The following MEDAG variants were observed in gnomAD, a reference collection of about 807,000 sequenced individuals.
The protein encoded by MEDAG is mesenteric estrogen-dependent adipogenesis protein.
A neutral mutation model predicts 29.9 loss-of-function variants in MEDAG; 25 were observed. The observed-to-expected ratio is 0.84, with a 90% confidence interval of 0.61 to 1.17. The LOEUF (loss-of-function observed/expected upper bound fraction) is 1.17. Among genes scored for constraint, MEDAG ranks in the 50% most tolerant of loss-of-function variants. The pLI, the probability that MEDAG is intolerant of heterozygous loss-of-function variation, is 0.00. For synonymous variants in MEDAG, 158 were observed against 148.2 expected (o/e 1.07, Z -0.48); for missense variants, 398 against 372.9 (o/e 1.07, Z -0.56).
At chr13:30,916,804 G>A (rs1262111480) in intron 1 of MEDAG, 1 of 152,350 alleles carries the variant, frequency 6.6e-6, no homozygotes, top group Non-Finnish European at 1.5e-5. Flanking sequence ...AAACCAAAAA[G>A]GCTAAATTTA....
At position 30,917,464 on chromosome 13, in the gene MEDAG, C is replaced by G. The variant is rs951032321; in HGVS notation, c.340C>G (p.Pro114Ala). ...CTACAGGGAAACTATATTGAGCAAA[C>G]CAATGTTGTTCTTTATTAATGTACA... ...KDYRETILSK[P>A]MLFFINVQTK... Residue 114 changes from proline (P) to alanine (A), a missense_variant, in exon 2 of 5, where the codon CCA becomes GCA. Transcript: ENST00000380482. 3 of 1,611,876 alleles carry G rather than the reference C, an allele frequency of 1.9e-6. No homozygotes were observed. The Admixed American group carries it at 5.0e-5, about 27-fold the overall frequency.
Position 30,921,120 on chromosome 13 carries a change from G to A in MEDAG, c.495G>A (p.Arg165=), listed in dbSNP as rs761793002. The part of the protein sequence containing the change: ...VISSVIGESY[R]LQFDFQEAVK... Reference sequence around the variant, plus strand: ...CCTCAGTGATTGGAGAAAGTTACCGGCTTCAGGTAAGCCTAGCCTGTCTGA... The same window carrying A: ...CCTCAGTGATTGGAGAAAGTTACCGACTTCAGGTAAGCCTAGCCTGTCTGA... The change falls in exon 3 of 5, where the codon CGG becomes CGA. Residue 165 remains arginine, a synonymous_variant. Coordinates refer to ENST00000380482, the MANE Select transcript of MEDAG (RefSeq NM_032849.4). 60 of 1,612,998 alleles carry A rather than the reference G, an allele frequency of 3.7e-5. No homozygotes were observed. The highest frequency in any genetic ancestry group is 4.9e-5 in the Non-Finnish European group (58 of 1,179,468).
rs763890240 is a variant in MEDAG at position 30,921,599 on chromosome 13, A to G, written c.540A>G (p.Pro180=). The change falls in exon 4 of 5, where the codon CCA becomes CCG. Residue 180 remains proline (P), a synonymous_variant. Transcript: ENST00000380482. ...FQEAVKNFFP[P]GNEVVNGENL... Reference sequence around the variant, plus strand: ...AGGCAGTGAAGAATTTCTTCCCCCCAGGAAATGAAGTGGTTAATGGAGAAA... The same window carrying G: ...AGGCAGTGAAGAATTTCTTCCCCCCGGGAAATGAAGTGGTTAATGGAGAAA... 1.2e-6 allele frequency: 2 copies of G among 1,607,824 alleles called. No homozygotes were observed. The highest frequency in any genetic ancestry group is 2.2e-5 in the East Asian group (1 of 44,838).
chr13:30,917,403 G>A lies in MEDAG; in HGVS notation c.279G>A (p.Arg93=), dbSNP rs775047254. The change falls in exon 2 of 5, where the codon AGG becomes AGA. Residue 93 remains arginine, a splice_region_variant and synonymous_variant. Coordinates refer to ENST00000380482, the MANE Select transcript of MEDAG (RefSeq NM_032849.4). Reference sequence around the variant, plus strand: ...TGCAATGATCTCTGCTTCTTCATAGGTATGTGGAACTGACCAACTACTGTG... The same window carrying A: ...TGCAATGATCTCTGCTTCTTCATAGATATGTGGAACTGACCAACTACTGTG... The part of the protein sequence containing the change: ...QLYRLSSYIK[R]YVELTNYCDY... The A allele has an allele frequency of 4.5e-5, 68 of 1,522,276 alleles. No homozygotes were observed. Among genetic ancestry groups the A allele is most frequent in the Admixed American group, 1.7e-5 (1 of 59,602 alleles). 94.3% of individuals were successfully genotyped at this position (1,522,276 alleles called of 1,614,324 possible).
chr13:30,920,185 T>TGGGGTA (rs1430269060), intron 2 of MEDAG, among the ~76,000 whole-genome samples: 3 of 152,072 alleles, frequency 2.0e-5, no homozygotes, highest in Non-Finnish European at 4.4e-5. Context: ...GAGCTGGGCA[T>TGGGGTA]GGGGTAGGGG....
chr13:30,917,001 C>G (rs1195711942), intron 1 of MEDAG, among the ~76,000 whole-genome samples: 1 of 152,144 alleles, frequency 6.6e-6, no homozygotes, highest in African/African-American at 2.4e-5. Flanking sequence ...ATTCAAGACC[C>G]ACAAGTTAAA....
rs773002689 is a variant in MEDAG at position 30,924,370 on chromosome 13, C to T, written c.847C>T (p.Leu283Phe). The change falls in exon 5 of 5, where the codon CTT (leucine) becomes TTT (phenylalanine). Residue 283 changes from leucine to phenylalanine, a missense_variant. By Grantham distance (22) the Leu-to-Phe change is conservative. Coordinates refer to ENST00000380482, the MANE Select transcript of MEDAG (RefSeq NM_032849.4). ...LSPRSSLTEPLLAELPFPSVL... is the reference protein window; with the variant it reads ...LSPRSSLTEPFLAELPFPSVL... ...ACCCAGATCATCTCTGACAGAGCCT[C>T]TTTTGGCAGAATTACCATTTCCAAG... The T allele has an allele frequency of 6.8e-6, 11 of 1,613,990 alleles. No individual in the cohort carries two copies. The African/African-American group carries it at 1.2e-4, about 18-fold the overall frequency.
In MEDAG at chr13:30,920,997, T is replaced by C. The variant is rs1952977633; in HGVS notation, c.389-17T>C. 3 of 1,603,338 alleles carry C rather than the reference T, an allele frequency of 1.9e-6. No homozygotes were observed. The highest frequency in any genetic ancestry group is 2.2e-5 in the East Asian group (1 of 44,844). On this transcript the variant is annotated splice_polypyrimidine_tract_variant and intron_variant, in intron 2 of 4. Coordinates refer to ENST00000380482, the MANE Select transcript of MEDAG (RefSeq NM_032849.4). ...CATGGACACACTTGTTTCTGAATTC[T>C]GCTTGCTAATTTCTAGAAAGGACGT...
rs781543885 is a variant in MEDAG, at chr13:30,924,481, CT to C, written c.*47del. 5 of 1,587,000 alleles carry C rather than the reference CT, an allele frequency of 3.2e-6. No individual in the cohort carries two copies. Among genetic ancestry groups the C allele is most frequent in the African/African-American group, 1.3e-5 (1 of 74,126 alleles). The stretch of plus-strand genomic sequence containing the variant: ...GTTGCTCCCGCACTCCAGGCCTGTG[CT>C]AGACTATAGGCTGGGGGGAGGGTAG... On this transcript the variant is annotated 3_prime_UTR_variant, in exon 5 of 5. Coordinates refer to ENST00000380482, the MANE Select transcript of MEDAG (RefSeq NM_032849.4).
intron 1 of MEDAG, among the ~76,000 whole-genome samples, chr13:30,910,369 C>T (rs759393400): frequency 6.6e-5 from 10 of 152,092 alleles, no homozygotes; most frequent in African/African-American, 2.4e-4. Context: ...TGGCTACTAA[C>T]ATTTACTCGA....
At position 30,924,538 on chromosome 13, in the gene MEDAG, G is replaced by A. The variant is rs944459510; in HGVS notation, c.*103G>A. On this transcript the variant is annotated 3_prime_UTR_variant, in exon 5 of 5. Coordinates refer to ENST00000380482, the MANE Select transcript of MEDAG (RefSeq NM_032849.4). ...GGGAGGCAGATACTTCCACCTGCGT[G>A]TCAATCTCCGGCTCCTCCATGGCTT... The A allele has an allele frequency of 2.5e-6, 3 of 1,216,978 alleles. No individual in the cohort carries two copies. The highest frequency in any genetic ancestry group is 3.4e-6 in the Non-Finnish European group (3 of 879,154). 75.4% of individuals were successfully genotyped at this position (1,216,978 alleles called of 1,614,324 possible).
Position 30,917,371 on chromosome 13 carries a change from T to C in MEDAG, c.279-32T>C, listed in dbSNP as rs748120091. 4 of 1,255,326 alleles carry C rather than the reference T, an allele frequency of 3.2e-6. No homozygotes were observed. In the African/African-American group the frequency reaches 4.4e-5, roughly 14 times the overall value. 77.8% of individuals were successfully genotyped at this position (1,255,326 alleles called of 1,614,324 possible). A position where few individuals can be genotyped will look rare whatever the true frequency, so the allele number is the denominator to read the frequency against. On this transcript the variant is annotated intron_variant, in intron 1 of 4. Coordinates refer to ENST00000380482, the MANE Select transcript of MEDAG (RefSeq NM_032849.4). The stretch of plus-strand genomic sequence containing the variant: ...TTCCTAATTTAGATGAAAGGGTACG[T>C]TACATTTGCAATGATCTCTGCTTCT...
intron 2 of MEDAG, 150 bp from the exon 3 acceptor site, chr13:30,920,864 T>G: frequency 4.9e-6 from 3 of 615,894 alleles, no homozygotes; most frequent in Non-Finnish European, 5.6e-6. Context: ...TGGCGAGGCT[T>G]TGTAGTAAGG....
In MEDAG at chr13:30,906,361, C is replaced by G; in HGVS notation, c.-155C>G. 1 of 763,998 alleles carries G rather than the reference C, an allele frequency of 1.3e-6. No individual in the cohort carries two copies. The highest frequency in any genetic ancestry group is 1.8e-6 in the Non-Finnish European group (1 of 547,710). The allele number at this position is 763,998 out of a possible 1,614,324, so 47.3% of individuals were successfully genotyped here. ...GTCAGACTGGCACCTGAGCGGCCAC[C>G]GCGTCCCGGCCAGGCGGGCAGACCG... is the stretch of plus-strand genomic sequence containing the variant. On this transcript the variant is annotated 5_prime_UTR_variant, in exon 1 of 5. Coordinates refer to ENST00000380482, the MANE Select transcript of MEDAG (RefSeq NM_032849.4).
chr13:30,909,920 T>C (rs1352988234), intron 1 of MEDAG, among the ~76,000 whole-genome samples: 1 of 152,208 alleles, frequency 6.6e-6, no homozygotes, highest in East Asian at 1.9e-4. Flanking sequence ...ACATACCTAC[T>C]AAGTAACCTA....
chr13:30,925,498 T>C lies in MEDAG; in HGVS notation c.*1063T>C, dbSNP rs1267229745. ...CCTTCCACTTATATTTGAAATGTTA[T>C]GTACCACATTTGCACAATTAAAACT... is the stretch of plus-strand genomic sequence containing the variant. On this transcript the variant is annotated 3_prime_UTR_variant, in exon 5 of 5. Coordinates refer to ENST00000380482, the MANE Select transcript of MEDAG (RefSeq NM_032849.4). 6.6e-6 allele frequency: 1 copy of C among 152,224 alleles called. No homozygotes were observed. Among genetic ancestry groups the C allele is most frequent in the Non-Finnish European group, 1.5e-5 (1 of 68,038 alleles). 9.4% of individuals were successfully genotyped at this position (152,224 alleles called of 1,614,324 possible). A position where few individuals can be genotyped will look rare whatever the true frequency, so the allele number is the denominator to read the frequency against.
chr13:30,921,661 T>C lies in MEDAG; in HGVS notation c.602T>C (p.Leu201Ser). ...SFAYEFKADA[L>S]FDFFYWFGLS... ...GCATATGAATTCAAAGCTGATGCAT[T>C]ATTTGATTTCTTCTATTGGTTTGGG... Residue 201 changes from leucine (L) to serine (S), a missense_variant, in exon 4 of 5, where the codon TTA becomes TCA. Transcript: ENST00000380482. The C allele has an allele frequency of 1.2e-6, 2 of 1,614,108 alleles. No homozygotes were observed. The highest frequency in any genetic ancestry group is 1.1e-5 in the South Asian group (1 of 91,070).
chr13:30,907,424 T>G lies in MEDAG; in HGVS notation c.278+631T>G, dbSNP rs370447671. On this transcript the variant is annotated intron_variant, in intron 1 of 4. Coordinates refer to ENST00000380482, the MANE Select transcript of MEDAG (RefSeq NM_032849.4). ...GGCTGTGGAAGGCACAGATAAGTTC[T>G]GGGGAAATAAGTGCGAAACCTGAGG... Among the ~76,000 whole-genome samples, 272 of 152,322 alleles carry G rather than the reference T, an allele frequency of 1.8e-3. 1 individual carries two copies. The highest frequency in any genetic ancestry group is 6.1e-3 in the African/African-American group (255 of 41,584).
chr13:30,906,605 C>G lies in MEDAG; in HGVS notation c.90C>G (p.Cys30Trp). The stretch of plus-strand genomic sequence containing the variant: ...TTCGCAGCCTGTGGACCTGCGACTG[C>G]GAGCTGGCCCTGCTGCCGCTGGCTC... ...GELRSLWTCD[C>W]ELALLPLAQL... Residue 30 changes from cysteine to tryptophan, a missense_variant, in exon 1 of 5, where the codon TGC (cysteine) becomes TGG (tryptophan). Physicochemically the swap from Cys to Trp is radical, Grantham distance 215. Transcript: ENST00000380482. The G allele has an allele frequency of 6.3e-7, 1 of 1,586,106 alleles. No individual in the cohort carries two copies. The highest frequency in any genetic ancestry group is 8.5e-7 in the Non-Finnish European group (1 of 1,174,994).
Sources: allele counts gnomAD v4.1 joint callset (sites outside exome capture counted in the v4.1 genomes callset), GRCh38; gene constraint gnomAD v4.1.1; transcripts MANE v1.5; gene names NCBI Gene and HGNC (gene_info 2026-07-23, HGNC 2026-07-21).